Variants in FBXO21 observed in about 807,000 individuals in gnomAD.
FBXO21 encodes F-box protein 21, also known as F-box only protein 21.
In FBXO21, 32 loss-of-function variants were observed where a neutral mutation model predicts 76.6. The observed-to-expected ratio is 0.42, with a 90% CI of 0.32 to 0.56. FBXO21 has a LOEUF of 0.56. Among genes scored for constraint, FBXO21 ranks in the 20% least tolerant of loss-of-function variants. FBXO21 has a pLI of 0.16. For missense variants in FBXO21, 586 were observed against 797.3 expected, an observed-to-expected ratio of 0.73 and a Z score of 3.19; for synonymous variants, 328 against 311.5, an observed-to-expected ratio of 1.05 and a Z score of -0.56.
intron 11 of FBXO21, among the ~76,000 whole-genome samples, chr12:117,153,150 C>T (rs1057292278): frequency 6.6e-6 from 1 of 151,940 alleles, no homozygotes; most frequent in Non-Finnish European, 1.5e-5. Flanking sequence ...AAGGAAAATG[C>T]CCGGTTGGGG....
rs1376820810 is a variant in FBXO21, at chr12:117,189,506, C to T, written c.240-144G>A. 4 of 753,674 alleles carry T rather than the reference C, an allele frequency of 5.3e-6. No individual in the cohort carries two copies. The African/African-American group carries it at 7.0e-5, about 13-fold the overall frequency. The allele number at this position is 753,674 out of a possible 1,614,324, so 46.7% of individuals were successfully genotyped here. A position where few individuals can be genotyped will look rare whatever the true frequency, so the allele number is the denominator to read the frequency against. The stretch of plus-strand genomic sequence containing the variant: ...CGAGAGACCTAGTTCAAAACCCCAC[C>T]AGCATTCACTCACTCACTCCCGGTG... On this transcript the variant is annotated intron_variant, in intron 1 of 11. Transcript: ENST00000622495.
chr12:117,178,108 C>T (rs1030351553), intron 3 of FBXO21, among the ~76,000 whole-genome samples: 8 of 152,170 alleles, frequency 5.3e-5, no homozygotes, highest in African/African-American at 1.4e-4. Flanking sequence ...TATCCATCTA[C>T]TCCACATCCC....
intron 11 of FBXO21, among the ~76,000 whole-genome samples, chr12:117,149,959 T>G (rs1208395920): frequency 6.6e-6 from 1 of 152,174 alleles, no homozygotes; most frequent in Non-Finnish European, 1.5e-5. Flanking sequence ...AGGCAAGAAG[T>G]AAATGACAGT....
intron 11 of FBXO21, among the ~76,000 whole-genome samples, chr12:117,152,214 C>A (rs1955851188): frequency 6.6e-6 from 1 of 152,192 alleles, no homozygotes. Flanking sequence ...CACCTGTGAT[C>A]TCAACACTTT....
chr12:117,155,137 C>G (rs1183158131), intron 11 of FBXO21: 3 of 152,310 alleles, frequency 2.0e-5, no homozygotes, highest in African/African-American at 7.2e-5. Context: ...CTGAATTCAT[C>G]CTATTAAGTA....
At chr12:117,174,384 G>T in intron 5 of FBXO21, 43 bp from the exon 6 acceptor site, 1 of 1,606,060 alleles carries the variant, frequency 6.2e-7, no homozygotes, top group Non-Finnish European at 8.5e-7. Flanking sequence ...CACAAAAAAG[G>T]TTGTGACAGG....
At chr12:117,165,407 T>C (rs1037268045) in intron 9 of FBXO21, 78 bp downstream of exon 9, 35 of 1,390,430 alleles carry the variant, frequency 2.5e-5, no homozygotes, top group Non-Finnish European at 3.3e-5. Context: ...AACACAAAGA[T>C]AAGCTTGTCA....
chr12:117,172,418 G>A, intron 7 of FBXO21, 53 bp downstream of exon 7: 1 of 1,587,454 alleles, frequency 6.3e-7, no homozygotes, highest in Non-Finnish European at 8.6e-7. Context: ...CTGCCTCTCA[G>A]CACAGAGGGA....
intron 9 of FBXO21, among the ~76,000 whole-genome samples, chr12:117,161,311 G>GA (rs933707941): frequency 2.0e-5 from 3 of 152,042 alleles, no homozygotes; most frequent in Admixed American, 2.0e-4. Flanking sequence ...CAGGCACACA[G>GA]AAAAAGTAGT....
chr12:117,186,823 T>C (rs1956287745), intron 2 of FBXO21, among the ~76,000 whole-genome samples: 1 of 152,224 alleles, frequency 6.6e-6, no homozygotes, highest in Non-Finnish European at 1.5e-5. Context: ...CTCACAGTTC[T>C]AACGTAAAGA....
Position 117,190,212 on chromosome 12 carries a change from G to T in FBXO21, c.239+6C>A. On this transcript the variant is annotated splice_donor_region_variant and intron_variant, in intron 1 of 11. Transcript: ENST00000622495. ...GCGCAGCCGGGGCGCGGGGCCGCTG[G>T]CTCACCTCACCCGGAACTGCTCCTT... 7.0e-7 allele frequency: 1 copy of T among 1,421,402 alleles called. No individual in the cohort carries two copies. The highest frequency in any genetic ancestry group is 9.2e-7 in the Non-Finnish European group (1 of 1,085,370). The allele number at this position is 1,421,402 out of a possible 1,614,324, so 88.0% of individuals were successfully genotyped here. A position where few individuals can be genotyped will look rare whatever the true frequency, so the allele number is the denominator to read the frequency against.
chr12:117,174,709 A>T lies in FBXO21; in HGVS notation c.681T>A (p.Leu227=), dbSNP rs1305498389. ...IQAQIDSIVE[L]VCKTLRGINS... is the part of the protein sequence containing the mutation. ...TTATGCCCCGAAGGGTTTTGCAAAC[A>T]AGCTCCACGATGCTGTCAATTTGGG... The change falls in exon 5 of 12, where the codon CTT becomes CTA. Residue 227 remains leucine (L), a synonymous_variant. Coordinates refer to ENST00000622495, the MANE Select transcript of FBXO21 (RefSeq NM_015002.3). The T allele has an allele frequency of 6.2e-7, 1 of 1,614,216 alleles. No individual in the cohort carries two copies. The highest frequency in any genetic ancestry group is 1.7e-5 in the Admixed American group (1 of 60,022).
intron 3 of FBXO21, among the ~76,000 whole-genome samples, chr12:117,182,430 A>G (rs1177578852): frequency 6.6e-6 from 1 of 152,048 alleles, no homozygotes; most frequent in African/African-American, 2.4e-5. Context: ...TCAAGGTTAC[A>G]GTGAGCCATG....
chr12:117,157,975 A>G lies in FBXO21; in HGVS notation c.1415T>C (p.Ile472Thr). The part of the protein sequence containing the change: ...GYLVQHTLEH[I>T]ERKKEEVGVE... ...GCCCACCTCCTCCTTTTTGCGCTCA[A>G]TGTGCTCTAGAGTGTGCTGCACCAG... is the stretch of plus-strand genomic sequence containing the variant. Residue 472 changes from isoleucine (I) to threonine (T), a missense_variant, in exon 10 of 12, where the codon ATT becomes ACT. Coordinates refer to ENST00000622495, the MANE Select transcript of FBXO21 (RefSeq NM_015002.3). The G allele has an allele frequency of 1.9e-6, 3 of 1,614,168 alleles. No homozygotes were observed. Among genetic ancestry groups the G allele is most frequent in the Non-Finnish European group, 2.5e-6 (3 of 1,180,012 alleles).
intron 9 of FBXO21, among the ~76,000 whole-genome samples, chr12:117,161,176 G>A (rs1270916234): frequency 6.6e-6 from 1 of 152,122 alleles, no homozygotes; most frequent in Non-Finnish European, 1.5e-5. Flanking sequence ...CCAGGGAAGG[G>A]GTTTCAGAGG....
At chr12:117,172,420 A>T in intron 7 of FBXO21, 51 bp downstream of exon 7, 1 of 1,589,730 alleles carries the variant, frequency 6.3e-7, no homozygotes, top group Non-Finnish European at 8.6e-7. Flanking sequence ...GCCTCTCAGC[A>T]CAGAGGGACC....
At chr12:117,166,425 T>C (rs1220118444) in intron 8 of FBXO21, among the ~76,000 whole-genome samples, 1 of 152,202 alleles carries the variant, frequency 6.6e-6, no homozygotes, top group African/African-American at 2.4e-5. Flanking sequence ...TGAGGGAGGC[T>C]GTGCATGTGT....
At chr12:117,182,439 T>C (rs889489758) in intron 3 of FBXO21, among the ~76,000 whole-genome samples, 1 of 151,900 alleles carries the variant, frequency 6.6e-6, no homozygotes, top group African/African-American at 2.4e-5. Flanking sequence ...CAGTGAGCCA[T>C]GATTGCACCA....
intron 3 of FBXO21, among the ~76,000 whole-genome samples, chr12:117,183,812 G>A (rs1032911853): frequency 1.3e-5 from 2 of 152,128 alleles, no homozygotes; most frequent in African/African-American, 4.8e-5. Context: ...AATGTTCACT[G>A]TGATCATTTA....
Sources: gnomAD v4.1 joint callset for allele counts (sites outside exome capture counted in the v4.1 genomes callset) on GRCh38, gnomAD v4.1.1 for gene constraint, MANE v1.5 for transcripts, NCBI Gene and HGNC (gene_info 2026-07-23, HGNC 2026-07-21) for gene names.